The following TENT4A variants were observed in gnomAD, a reference collection of about 807,000 sequenced individuals.
The protein encoded by TENT4A is terminal nucleotidyltransferase 4A.
TENT4A carries 7 observed loss-of-function variants against 72.8 expected under a neutral mutation model. The observed-to-expected ratio is 0.10, with a 90% CI of 0.05 to 0.18. The LOEUF (loss-of-function observed/expected upper bound fraction) is 0.18, where lower values mean the gene tolerates loss of function less well. Among genes scored for constraint, TENT4A ranks in the 10% least tolerant of loss-of-function variants. The pLI, the probability that TENT4A is intolerant of heterozygous loss-of-function variation, is 1.00. For missense variants in TENT4A, 831 were observed against 1,017.7 expected (o/e 0.82, Z 2.50); for synonymous variants, 456 against 434.3 (o/e 1.05, Z -0.62).
At chr5:6,734,522 T>G (rs1233171601) in intron 1 of TENT4A, among the ~76,000 whole-genome samples, 1 of 152,252 alleles carries the variant, frequency 6.6e-6, no homozygotes, top group South Asian at 2.1e-4. Context: ...CGCCAGAGCC[T>G]TCTTGTCTGA....
intron 1 of TENT4A, among the ~76,000 whole-genome samples, chr5:6,717,120 A>G (rs1244767340): frequency 6.6e-6 from 1 of 152,196 alleles, no homozygotes; most frequent in Non-Finnish European, 1.5e-5. Flanking sequence ...TTGGTCCTAT[A>G]TAAACTAACC....
At chr5:6,742,432 T>C (rs1443126485) in intron 4 of TENT4A, 58 bp from the exon 5 acceptor site, 3 of 1,084,698 alleles carry the variant, frequency 2.8e-6, no homozygotes, top group South Asian at 1.3e-5. Context: ...AGCATTTTGA[T>C]GCCTGGCTGT....
At chr5:6,740,300 T>TA (rs987647575) in intron 4 of TENT4A, among the ~76,000 whole-genome samples, 6 of 152,180 alleles carry the variant, frequency 3.9e-5, no homozygotes, top group African/African-American at 1.4e-4. Context: ...TTCCAAAAAA[T>TA]ATACATATAT....
intron 1 of TENT4A, among the ~76,000 whole-genome samples, chr5:6,724,076 A>AT (rs2126604928): frequency 6.6e-6 from 1 of 152,374 alleles, no homozygotes; most frequent in African/African-American, 2.4e-5. Flanking sequence ...ATCCTGGACT[A>AT]TAACTCATTT....
chr5:6,740,461 C>T (rs181285598), intron 4 of TENT4A, among the ~76,000 whole-genome samples: 35 of 152,194 alleles, frequency 2.3e-4, no homozygotes, highest in Non-Finnish European at 3.5e-4. Flanking sequence ...CCTGTGCGAC[C>T]GGCTAGCATT....
Position 6,726,364 on chromosome 5 carries a change from C to T in TENT4A, c.717-11146C>T, listed in dbSNP as rs564289340. Among the ~76,000 whole-genome samples the T allele has an allele frequency of 5.9e-5, 9 of 152,234 alleles. No homozygotes were observed. The South Asian group carries it at 6.2e-4, about 11-fold the overall frequency. On this transcript the variant is annotated intron_variant, in intron 1 of 12. Coordinates refer to ENST00000230859, the MANE Select transcript of TENT4A (RefSeq NM_006999.6). ...TCATGCTCATCATCAGGAGGCTTCCCGGGACTGCTGCCTGAGATTTCTAAG... is the reference window on the plus strand; with the variant it reads ...TCATGCTCATCATCAGGAGGCTTCCTGGGACTGCTGCCTGAGATTTCTAAG...
chr5:6,732,992 C>T (rs549901315), intron 1 of TENT4A, among the ~76,000 whole-genome samples: 12 of 152,342 alleles, frequency 7.9e-5, no homozygotes, highest in Non-Finnish European at 1.6e-4. Context: ...GAAGTCACCA[C>T]GGAGCAGTTG....
At chr5:6,726,588 C>CGT (rs1740935928) in intron 1 of TENT4A, among the ~76,000 whole-genome samples, 1 of 152,052 alleles carries the variant, frequency 6.6e-6, no homozygotes, top group South Asian at 2.1e-4. Flanking sequence ...GCCTTTTTGT[C>CGT]GTGTGTGTTG....
chr5:6,743,601 G>T, intron 5 of TENT4A, 111 bp from the exon 6 acceptor site: 2 of 836,332 alleles, frequency 2.4e-6, no homozygotes. Flanking sequence ...GCCTTCAGAT[G>T]GGCAAGAGGA....
chr5:6,741,822 T>A (rs1741821221), intron 4 of TENT4A, among the ~76,000 whole-genome samples: 1 of 152,222 alleles, frequency 6.6e-6, no homozygotes, highest in Admixed American at 6.5e-5. Flanking sequence ...CTTTTTTTAA[T>A]CCTTCAAGGC....
intron 10 of TENT4A, 99 bp downstream of exon 10, chr5:6,750,602 A>C: frequency 8.2e-7 from 1 of 1,212,842 alleles, no homozygotes; most frequent in Non-Finnish European, 1.1e-6. Flanking sequence ...GGTTTTGCTC[A>C]GGTTTTGTTT....
chr5:6,727,501 A>C (rs1233940545), intron 1 of TENT4A, among the ~76,000 whole-genome samples: 2 of 152,138 alleles, frequency 1.3e-5, no homozygotes, highest in Admixed American at 6.5e-5. Context: ...GCCTGGTCTT[A>C]GACTCCGCTG....
intron 6 of TENT4A, 164 bp from the exon 7 acceptor site, chr5:6,746,050 T>G: frequency 6.8e-7 from 1 of 1,481,060 alleles, no homozygotes; most frequent in Non-Finnish European, 8.9e-7. Context: ...CACTCCTCGT[T>G]GAAGAGGCTG....
Position 6,714,346 on chromosome 5 carries a change from G to C in TENT4A, c.363G>C (p.Ser121=). The change falls in exon 1 of 13, where the codon TCG becomes TCC. Residue 121 remains serine, a synonymous_variant. Transcript: ENST00000230859. Reference sequence around the variant, plus strand: ...CGTCCTCCTCGTCCAACGCGGAGTCGGGCACCGAGAGCCCCGGCTGCTCGT... The same window carrying C: ...CGTCCTCCTCGTCCAACGCGGAGTCCGGCACCGAGAGCCCCGGCTGCTCGT... ...SSSSSSSNAE[S]GTESPGCSSS... 1.8e-6 allele frequency: 2 copies of C among 1,135,634 alleles called. No homozygotes were observed. Among genetic ancestry groups the C allele is most frequent in the Non-Finnish European group, 2.2e-6 (2 of 926,676 alleles). The allele number at this position is 1,135,634 out of a possible 1,614,324, so 70.3% of individuals were successfully genotyped here. A position where few individuals can be genotyped will look rare whatever the true frequency, so the allele number is the denominator to read the frequency against.
chr5:6,737,943 G>T (rs560331133), intron 2 of TENT4A, among the ~76,000 whole-genome samples: 1 of 142,086 alleles, frequency 7.0e-6, no homozygotes, highest in Admixed American at 7.5e-5. Flanking sequence ...GGGGAGAATG[G>T]TGTGATTGTT....
At chr5:6,716,459 TC>T (rs748135837) in intron 1 of TENT4A, among the ~76,000 whole-genome samples, 1 of 152,274 alleles carries the variant, frequency 6.6e-6, no homozygotes, top group East Asian at 1.9e-4. Context: ...CACCTCATCC[TC>T]CCTCATGCAG....
intron 4 of TENT4A, among the ~76,000 whole-genome samples, chr5:6,741,205 A>C (rs913331701): frequency 2.0e-5 from 3 of 152,174 alleles, no homozygotes; most frequent in Non-Finnish European, 4.4e-5. Context: ...CCTGAGGGCC[A>C]GTGTAGACTG....
At chr5:6,747,315 G>T (rs914659808) in intron 7 of TENT4A, among the ~76,000 whole-genome samples, 1 of 152,112 alleles carries the variant, frequency 6.6e-6, no homozygotes, top group African/African-American at 2.4e-5. Context: ...GCCCTCCTCT[G>T]CTGTGTGCAA....
At chr5:6,746,500 T>C in intron 7 of TENT4A, 73 bp downstream of exon 7, 3 of 1,423,518 alleles carry the variant, frequency 2.1e-6, no homozygotes, top group Non-Finnish European at 2.9e-6. Context: ...GGGCCTGTGT[T>C]GGGGCTCTGA....
Sources: allele counts gnomAD v4.1 joint callset (sites outside exome capture counted in the v4.1 genomes callset), GRCh38; gene constraint gnomAD v4.1.1; transcripts MANE v1.5; gene names NCBI Gene and HGNC (gene_info 2026-07-23, HGNC 2026-07-21).